Variants in DACH2 observed in about 807,000 individuals in gnomAD.
The protein encoded by DACH2 is dachshund homolog 2.
Under a neutral mutation model 35.8 loss-of-function variants are expected in DACH2, and 17 were observed. That is an observed-to-expected ratio of 0.48 (90% CI 0.33 to 0.71). The LOEUF is 0.71. Among genes scored for constraint, DACH2 ranks in the 30% least tolerant of loss-of-function variants. The pLI is 0.02. For synonymous variants in DACH2, 195 were observed against 177.3 expected, an observed-to-expected ratio of 1.10 and a Z score of -0.79; for missense variants, 469 against 472.7, an observed-to-expected ratio of 0.99 and a Z score of 0.07.
intron 1 of DACH2, among the ~76,000 whole-genome samples, chrX:86,273,197 A>G (rs774845242): frequency 8.9e-6 from 1 of 112,331 alleles, no homozygotes; most frequent in South Asian, 3.7e-4. Flanking sequence ...TGTAAAAATA[A>G]AACATTATGT....
chrX:86,646,667 A>T (rs1397882486), intron 3 of DACH2, among the ~76,000 whole-genome samples: 1 of 109,977 alleles, frequency 9.1e-6, no homozygotes, highest in Non-Finnish European at 1.9e-5. Context: ...TACGGAATGG[A>T]GGAATATGTT....
intron 1 of DACH2, among the ~76,000 whole-genome samples, chrX:86,329,123 A>C (rs2035166515): frequency 9.0e-6 from 1 of 111,525 alleles, no homozygotes; most frequent in Admixed American, 9.6e-5. Context: ...TGGAAAAATT[A>C]TACATAAAGG....
At chrX:86,180,549 C>T (rs1038392528) in intron 1 of DACH2, among the ~76,000 whole-genome samples, 2 of 110,377 alleles carry the variant, frequency 1.8e-5, no homozygotes, top group African/African-American at 6.6e-5. Context: ...GTTCTTGAGA[C>T]CAGTGCTGTC....
chrX:86,513,063 C>T (rs1016043674), intron 2 of DACH2: 5 of 209,659 alleles, frequency 2.4e-5, no homozygotes, highest in Non-Finnish European at 3.6e-5. Context: ...AACTGGGTAA[C>T]GATACCTCCG....
At chrX:86,645,949 AC>A (rs1359180720) in intron 3 of DACH2, among the ~76,000 whole-genome samples, 1 of 111,115 alleles carries the variant, frequency 9.0e-6, no homozygotes, top group Non-Finnish European at 1.9e-5. Flanking sequence ...ACTATTGAGT[AC>A]TGTGATTGAT....
In DACH2 at chrX:86,729,293, G is replaced by A. The variant is rs150598806; in HGVS notation, c.1105-10454G>A. Reference sequence around the variant, plus strand: ...GAACTTGCGTGGGACCTTTCTTTTGGCTGATTTCTCTCTTTTGGAACATGA... The same window carrying A: ...GAACTTGCGTGGGACCTTTCTTTTGACTGATTTCTCTCTTTTGGAACATGA... On this transcript the variant is annotated intron_variant, in intron 6 of 11. Coordinates refer to ENST00000373125, the MANE Select transcript of DACH2 (RefSeq NM_053281.3). 5.2e-3 allele frequency among the ~76,000 whole-genome samples: 585 copies of A among 112,033 alleles called. 6 individuals are homozygous for A. Among genetic ancestry groups the A allele is most frequent in the African/African-American group, 0.018 (542 of 30,854 alleles).
In DACH2 at chrX:86,148,649, C is replaced by A. The variant is rs746390407; in HGVS notation, c.29C>A (p.Ser10Tyr). 2 of 1,181,492 alleles carry A rather than the reference C, an allele frequency of 1.7e-6. No individual in the cohort carries two copies. Among genetic ancestry groups the A allele is most frequent in the African/African-American group, 3.6e-5 (2 of 56,197 alleles). ...GCTGTCTCCGCATCTCCAGTGATCT[C>A]TGCAACTTCCAGCGGCGCCGGCGTC... The part of the protein sequence containing the change: MAVSASPVI[S>Y]ATSSGAGVPG... The change falls in exon 1 of 12, where the codon TCT becomes TAT. Residue 10 changes from serine (S) to tyrosine (Y), a missense_variant. Ser to Tyr is a moderately radical substitution (Grantham distance 144). This residue lies in a region of DACH2 where 99 missense variants were observed against 114.3 expected (regional missense o/e 0.87). Coordinates refer to ENST00000373125, the MANE Select transcript of DACH2 (RefSeq NM_053281.3).
intron 3 of DACH2, among the ~76,000 whole-genome samples, chrX:86,607,378 C>T (rs1447028723): frequency 1.8e-5 from 2 of 110,549 alleles, no homozygotes; most frequent in Non-Finnish European, 3.8e-5. Flanking sequence ...TTTGAGTTTA[C>T]CATGAGGTAC....
intron 4 of DACH2, among the ~76,000 whole-genome samples, chrX:86,672,431 C>A (rs183565399): frequency 9.0e-6 from 1 of 111,195 alleles, no homozygotes; most frequent in African/African-American, 3.3e-5. Context: ...GGCCTGTGGG[C>A]TGAGGAGGGA....
chrX:86,459,697 G>T (rs1420304187), intron 2 of DACH2, among the ~76,000 whole-genome samples: 1 of 111,315 alleles, frequency 9.0e-6, no homozygotes, highest in Non-Finnish European at 1.9e-5. Flanking sequence ...CTAATGGTTA[G>T]CATGGCAATA....
intron 7 of DACH2, among the ~76,000 whole-genome samples, chrX:86,759,573 T>A (rs566422796): frequency 5.3e-4 from 58 of 109,351 alleles, no homozygotes; most frequent in South Asian, 3.4e-3. Flanking sequence ...TTTTTTTTTT[T>A]TAAAAATCCA....
intron 3 of DACH2, among the ~76,000 whole-genome samples, chrX:86,611,474 G>T (rs2039943980): frequency 9.0e-6 from 1 of 111,002 alleles, no homozygotes. Context: ...GCCCAGCTCT[G>T]CACTAGGACT....
At chrX:86,794,190 T>G (rs1350043300) in intron 7 of DACH2, among the ~76,000 whole-genome samples, 1 of 110,621 alleles carries the variant, frequency 9.0e-6, no homozygotes, top group Non-Finnish European at 1.9e-5. Context: ...GCATTCTCTA[T>G]AAACCTTGTA....
chrX:86,702,731 C>T (rs2041158114), intron 5 of DACH2, among the ~76,000 whole-genome samples: 1 of 111,171 alleles, frequency 9.0e-6, no homozygotes, highest in Admixed American at 9.6e-5. Flanking sequence ...TCAGGAAGAA[C>T]TAGAAATCCT....
chrX:86,407,234 C>CAA (rs758191129), intron 2 of DACH2, among the ~76,000 whole-genome samples: 290 of 111,747 alleles, frequency 2.6e-3, no homozygotes, highest in Non-Finnish European at 4.0e-3. Flanking sequence ...TTTATATCCC[C>CAA]ACAACTGCCA....
rs2035345593 is a variant in DACH2, at chrX:86,337,980, A to G, written c.489-38844A>G. ...ATCAAAAGAGACAAAGAAGGGCATT[A>G]CATAATGGTTAAGGGATTAATGCAA... On this transcript the variant is annotated intron_variant, in intron 1 of 11. Coordinates refer to ENST00000373125, the MANE Select transcript of DACH2 (RefSeq NM_053281.3). 3.6e-5 allele frequency among the ~76,000 whole-genome samples: 4 copies of G among 112,178 alleles called. No homozygotes were observed. The Admixed American group carries it at 3.8e-4, about 11-fold the overall frequency.
chrX:86,398,734 A>G (rs965703175), intron 2 of DACH2, among the ~76,000 whole-genome samples: 5 of 112,036 alleles, frequency 4.5e-5, no homozygotes, highest in African/African-American at 1.6e-4. Flanking sequence ...TTCTAGTTTG[A>G]TTGCACAGTC....
At chrX:86,520,085 G>T (rs1162171986) in intron 3 of DACH2, among the ~76,000 whole-genome samples, 1 of 111,538 alleles carries the variant, frequency 9.0e-6, no homozygotes, top group Non-Finnish European at 1.9e-5. Flanking sequence ...CTTTGTCCCA[G>T]AGATTCTGGT....
At chrX:86,598,331 G>C (rs1209076001) in intron 3 of DACH2, among the ~76,000 whole-genome samples, 3 of 111,758 alleles carry the variant, frequency 2.7e-5, no homozygotes, top group African/African-American at 9.8e-5. Flanking sequence ...CTTAAGTATA[G>C]TCATCATGAA....
Sources: gnomAD v4.1 joint callset for allele counts (sites outside exome capture counted in the v4.1 genomes callset) on GRCh38, gnomAD v4.1.1 for gene constraint, gnomAD v4.1.1 regional missense constraint, MANE v1.5 for transcripts, NCBI Gene and HGNC (gene_info 2026-07-23, HGNC 2026-07-21) for gene names.